Variants in MGAT4C observed in about 807,000 individuals in gnomAD.
MGAT4C encodes alpha-1,3-mannosyl-glycoprotein 4-beta-N-acetylglucosaminyltransferase C.
A neutral mutation model predicts 40.1 loss-of-function variants in MGAT4C; 19 were observed. That is an observed-to-expected ratio of 0.47 (90% CI 0.33 to 0.70). The LOEUF (loss-of-function observed/expected upper bound fraction) is 0.70. MGAT4C is among the 30% of genes least tolerant of loss of function. The probability of loss-of-function intolerance (pLI) is 0.02; values close to 1 mark genes in which losing one functional copy is unlikely to be tolerated. For missense variants in MGAT4C, 491 were observed against 563.2 expected (o/e 0.87, Z 1.30); for synonymous variants, 181 against 187.1 (o/e 0.97, Z 0.27).
Position 85,967,098 on chromosome 12 carries a change from G to T in MGAT4C, c.*12191C>A, listed in dbSNP as rs1336190052. 1.3e-5 allele frequency: 2 copies of T among 152,034 alleles called. No individual in the cohort carries two copies. Among genetic ancestry groups the T allele is most frequent in the Non-Finnish European group, 2.9e-5 (2 of 67,998 alleles). The allele number at this position is 152,034 out of a possible 1,614,324, so 9.4% of individuals were successfully genotyped here. ...ATAGTTTTTTTGAATTCACAAACTT[G>T]CAGGATGAAAAAAGTTATTAGTTCC... On this transcript the variant is annotated 3_prime_UTR_variant, in exon 5 of 5. Transcript: ENST00000611864.
chr12:85,998,792 A>G (rs2136762476), intron 2 of MGAT4C, among the ~76,000 whole-genome samples: 1 of 152,262 alleles, frequency 6.6e-6, no homozygotes, highest in African/African-American at 2.4e-5. Flanking sequence ...AGGAAGTTCC[A>G]AAATTTTCCA....
chr12:86,089,510 G>A (rs1402981366), intron 1 of MGAT4C, among the ~76,000 whole-genome samples: 2 of 151,646 alleles, frequency 1.3e-5, no homozygotes, highest in East Asian at 1.9e-4. Context: ...AATTGTCAAT[G>A]CTCAGGAAAA....
chr12:86,476,522 T>C (rs1957837794), intron 2 of MGAT4C, among the ~76,000 whole-genome samples: 1 of 152,102 alleles, frequency 6.6e-6, no homozygotes, highest in Admixed American at 6.6e-5. Flanking sequence ...AGTTTGGAGA[T>C]TTCTCAAAGA....
At chr12:86,114,277 T>A (rs1307098586) in intron 1 of MGAT4C, among the ~76,000 whole-genome samples, 1 of 151,854 alleles carries the variant, frequency 6.6e-6, no homozygotes, top group Non-Finnish European at 1.5e-5. Context: ...AGGACACCTG[T>A]TAAATCTGGT....
At chr12:86,501,082 A>G (rs1350448926) in intron 2 of MGAT4C, among the ~76,000 whole-genome samples, 1 of 152,084 alleles carries the variant, frequency 6.6e-6, no homozygotes, top group Non-Finnish European at 1.5e-5. Context: ...GCTTCCACAC[A>G]GAAAGAAGAT....
At chr12:86,784,376 T>C (rs116645057) in intron 1 of MGAT4C, among the ~76,000 whole-genome samples, 1 of 152,104 alleles carries the variant, frequency 6.6e-6, no homozygotes, top group Non-Finnish European at 1.5e-5. Context: ...TCTTGTATTT[T>C]CCTATGAATT....
chr12:86,270,154 C>T (rs1295542148), intron 4 of MGAT4C, among the ~76,000 whole-genome samples: 1 of 152,098 alleles, frequency 6.6e-6, no homozygotes, highest in Non-Finnish European at 1.5e-5. Context: ...GCAACATCTG[C>T]CCCCTGGGTT....
chr12:86,690,547 G>T (rs1950154953), intron 2 of MGAT4C, among the ~76,000 whole-genome samples: 2 of 152,132 alleles, frequency 1.3e-5, no homozygotes, highest in Admixed American at 1.3e-4. Flanking sequence ...TCCCTCAAGG[G>T]TTCCCTTGGC....
At chr12:86,319,879 T>A (rs948229815) in intron 4 of MGAT4C, among the ~76,000 whole-genome samples, 1 of 152,152 alleles carries the variant, frequency 6.6e-6, no homozygotes, top group African/African-American at 2.4e-5. Context: ...ATGATAAAAT[T>A]TTTTTAAAGT....
chr12:86,715,377 G>A (rs1448199754), intron 2 of MGAT4C, among the ~76,000 whole-genome samples: 4 of 152,126 alleles, frequency 2.6e-5, no homozygotes, highest in Non-Finnish European at 5.9e-5. Flanking sequence ...TGATGGGTGA[G>A]GAGCATAAGG....
chr12:86,714,827 T>C (rs1176420079), intron 2 of MGAT4C, among the ~76,000 whole-genome samples: 4 of 132,262 alleles, frequency 3.0e-5, no homozygotes, highest in Admixed American at 7.4e-5. Flanking sequence ...AGAATTAAAG[T>C]AGGAAGGAAG....
intron 2 of MGAT4C, among the ~76,000 whole-genome samples, chr12:86,520,125 T>G (rs1958767262): frequency 6.6e-6 from 1 of 152,166 alleles, no homozygotes; most frequent in Non-Finnish European, 1.5e-5. Flanking sequence ...GGTAAACTTG[T>G]GTCATGGGGG....
At chr12:86,344,258 A>C (rs1440564858) in intron 3 of MGAT4C, among the ~76,000 whole-genome samples, 2 of 152,208 alleles carry the variant, frequency 1.3e-5, no homozygotes, top group Non-Finnish European at 2.9e-5. Flanking sequence ...CTAAGGATTC[A>C]AGAATGAATT....
At chr12:86,739,909 T>TTA (rs1013184863) in intron 1 of MGAT4C, among the ~76,000 whole-genome samples, 58 of 150,186 alleles carry the variant, frequency 3.9e-4, no homozygotes, top group South Asian at 1.0e-3. Flanking sequence ...CTAAGGCATA[T>TTA]TATATATATA....
chr12:86,239,454 C>T (rs1227610148), intron 1 of MGAT4C, among the ~76,000 whole-genome samples: 1 of 151,932 alleles, frequency 6.6e-6, no homozygotes, highest in Non-Finnish European at 1.5e-5. Flanking sequence ...AAATGTGTTT[C>T]AAAGAAGCAT....
At chr12:86,759,363 C>T (rs1951362188) in intron 1 of MGAT4C, among the ~76,000 whole-genome samples, 1 of 152,072 alleles carries the variant, frequency 6.6e-6, no homozygotes, top group African/African-American at 2.4e-5. Context: ...GCAGCCATCT[C>T]TTCAACACAC....
At chr12:86,654,370 A>G (rs536521919) in intron 2 of MGAT4C, among the ~76,000 whole-genome samples, 15 of 151,624 alleles carry the variant, frequency 9.9e-5, no homozygotes, top group Non-Finnish European at 1.9e-4. Context: ...AACAATCGAA[A>G]TCAGCTTTCT....
At position 86,458,796 on chromosome 12, in the gene MGAT4C, G is replaced by A. The variant is rs150869116; in HGVS notation, c.-228-23531C>T. Among the ~76,000 whole-genome samples the A allele has an allele frequency of 1.4e-3, 220 of 152,146 alleles. 1 individual carries two copies. Among genetic ancestry groups the A allele is most frequent in the African/African-American group, 5.0e-3 (207 of 41,522 alleles). ...CTGTTTTTGCAAAAGATATTTATAT[G>A]AACATTTATTATAATGTATACTATA... On this transcript the variant is annotated intron_variant, in intron 2 of 7. Coordinates refer to the MGAT4C transcript ENST00000548651.
intron 3 of MGAT4C, among the ~76,000 whole-genome samples, chr12:86,393,520 C>T (rs369619921): frequency 6.6e-6 from 1 of 152,128 alleles, no homozygotes; most frequent in African/African-American, 2.4e-5. Flanking sequence ...AAAGCACTTT[C>T]TTCTATATTA....
Sources: gnomAD v4.1 joint callset for allele counts (sites outside exome capture counted in the v4.1 genomes callset) on GRCh38, gnomAD v4.1.1 for gene constraint, MANE v1.5 for transcripts, NCBI Gene and HGNC (gene_info 2026-07-23, HGNC 2026-07-21) for gene names.